The following GJE1 variants were observed in gnomAD, a reference collection of about 807,000 sequenced individuals.
The protein encoded by GJE1 is gap junction protein epsilon 1.
A neutral mutation model predicts 6.2 loss-of-function variants in GJE1; 9 were observed. The observed-to-expected ratio is 1.45, with a 90% CI of 0.87 to 2.52. The LOEUF (loss-of-function observed/expected upper bound fraction) is 2.52, where lower values mean the gene tolerates loss of function less well. Among genes scored for constraint, GJE1 ranks in the 30% most tolerant of loss-of-function variants. The pLI, the probability that GJE1 is intolerant of heterozygous loss-of-function variation, is 0.00. For missense variants in GJE1, 190 were observed against 87.7 expected (o/e 2.17, Z -4.66); for synonymous variants, 65 against 30.1 (o/e 2.16, Z -3.80).
chr6:142,133,736 G>C (rs1455444040), intron 1 of GJE1, 114 bp from the exon 2 acceptor site: 1 of 519,616 alleles, frequency 1.9e-6, no homozygotes, highest in East Asian at 2.9e-5. Context: ...GGGTCTATTT[G>C]GCTTCAAAAC....
chr6:142,135,314 C>A (rs1249413657), downstream of GJE1, among the ~76,000 whole-genome samples: 1 of 151,966 alleles, frequency 6.6e-6, no homozygotes, highest in East Asian at 1.9e-4. Flanking sequence ...ATTTCCCTTT[C>A]TGTGGAACTA....
chr6:142,134,518 G>T, intron 2 of GJE1, 21 bp from the exon 3 acceptor site: 2 of 485,300 alleles, frequency 4.1e-6, no homozygotes, highest in South Asian at 8.4e-5. Context: ...AGATATTTCT[G>T]ACATACTTTA....
At chr6:142,133,823 AT>A (rs768440169) in intron 1 of GJE1, 26 bp from the exon 2 acceptor site, 9 of 610,420 alleles carry the variant, frequency 1.5e-5, no homozygotes, top group East Asian at 8.4e-5. Flanking sequence ...TGTTTAAAAG[AT>A]TTTTTTTCTC....
rs2114608428 is a variant in GJE1 at position 142,133,107 on chromosome 6, A to C, written c.-52A>C. Reference sequence around the variant, plus strand: ...TGATTCTGGCAGAAGCAAACTGGCAATGTGGGTCAAGAATTAACCAACAGG... The same window carrying C: ...TGATTCTGGCAGAAGCAAACTGGCACTGTGGGTCAAGAATTAACCAACAGG... On this transcript the variant is annotated 5_prime_UTR_variant, in exon 1 of 3. It removes an upstream start codon present in the reference 5' UTR. Coordinates refer to ENST00000450456, the Ensembl canonical transcript of GJE1. 1.6e-6 allele frequency: 1 copy of C among 628,746 alleles called. No individual in the cohort carries two copies. Among genetic ancestry groups the C allele is most frequent in the South Asian group, 1.8e-5 (1 of 55,924 alleles). 38.9% of individuals were successfully genotyped at this position (628,746 alleles called of 1,614,324 possible). A position where few individuals can be genotyped will look rare whatever the true frequency, so the allele number is the denominator to read the frequency against.
intron 2 of GJE1, 37 bp downstream of exon 2, chr6:142,134,081 T>C: frequency 1.8e-6 from 1 of 564,880 alleles, no homozygotes; most frequent in Non-Finnish European, 3.3e-6. Flanking sequence ...ACAAACTCAT[T>C]TTCTCTTTAA....
upstream of GJE1, chr6:142,133,044 GT>G (rs1393621922): frequency 2.0e-6 from 1 of 505,184 alleles, no homozygotes; most frequent in Non-Finnish European, 3.6e-6. Context: ...AGTGATGAGT[GT>G]TTTCTGCTGT....
chr6:142,133,830 T>G lies in GJE1; in HGVS notation c.40-20T>G, dbSNP rs1043372625. 2 of 613,932 alleles carry G rather than the reference T, an allele frequency of 3.3e-6. No individual in the cohort carries two copies. The highest frequency in any genetic ancestry group is 3.7e-5 in the African/African-American group (2 of 54,376). The allele number at this position is 613,932 out of a possible 1,614,324, so 38.0% of individuals were successfully genotyped here. On this transcript the variant is annotated intron_variant, in intron 1 of 2. Transcript: ENST00000450456. ...AATGTTTGTGTTTAAAAGATTTTTT[T>G]TCTCCTAAAACCATAACAGGTTAAA...
At chr6:142,135,022 G>A in exon 3 of GJE1, 1 of 443,500 alleles carries the variant, frequency 2.3e-6, no homozygotes, top group South Asian at 5.6e-5. Context: ...ACTTCAATGT[G>A]TCTGAAATTT....
At chr6:142,135,104 A>G in exon 3 of GJE1, 2 of 328,342 alleles carry the variant, frequency 6.1e-6, no homozygotes, top group Non-Finnish European at 1.1e-5. Flanking sequence ...TTTAATTTTG[A>G]TCACTTTTAT....
At position 142,134,806 on chromosome 6, in the gene GJE1, GAA is replaced by G; in HGVS notation, c.507_508del (p.Lys169AsnfsTer21). On this transcript the variant is annotated frameshift_variant, in exon 3 of 3. Coordinates refer to ENST00000450456, the Ensembl canonical transcript of GJE1. LOFTEE classifies it high-confidence loss of function. ...AAGATGCATGGTTCCAGAACACTTT[GAA>G]AAAACCATTTTTCTCATTGCAATAA... 1 of 675,424 alleles carries G rather than the reference GAA, an allele frequency of 1.5e-6. No individual in the cohort carries two copies. The highest frequency in any genetic ancestry group is 1.6e-5 in the South Asian group (1 of 61,682). 41.8% of individuals were successfully genotyped at this position (675,424 alleles called of 1,614,324 possible). A position where few individuals can be genotyped will look rare whatever the true frequency, so the allele number is the denominator to read the frequency against.
intron 1 of GJE1, 72 bp downstream of exon 1, chr6:142,133,269 C>A: frequency 1.8e-6 from 1 of 552,352 alleles, no homozygotes; most frequent in South Asian, 2.5e-5. Flanking sequence ...TTGCATAAGT[C>A]TTGGTGAATA....
chr6:142,134,170 T>A (rs954565643), intron 2 of GJE1, 126 bp downstream of exon 2: 2 of 496,276 alleles, frequency 4.0e-6, no homozygotes, highest in African/African-American at 1.9e-5. Context: ...TTTCTTTAAT[T>A]AGCTGTATAT....
At chr6:142,134,814 C>T in exon 3 of GJE1, 1 of 670,682 alleles carries the variant, frequency 1.5e-6, no homozygotes, top group South Asian at 1.6e-5. Flanking sequence ...TTGAAAAAAC[C>T]ATTTTTCTCA....
At chr6:142,133,062 C>T (rs1454828684), upstream of GJE1, 3 of 563,786 alleles carry the variant, frequency 5.3e-6, no homozygotes, top group African/African-American at 3.7e-5. Flanking sequence ...CTGTAAGAGT[C>T]CTGAGAGAAT....
chr6:142,134,428 AT>A, intron 2 of GJE1, 110 bp from the exon 3 acceptor site: 1 of 442,898 alleles, frequency 2.3e-6, no homozygotes. Flanking sequence ...GAAACTTGGA[AT>A]TTTTAAATTA....
chr6:142,133,069 G>T (rs1778173021), upstream of GJE1: 4 of 577,240 alleles, frequency 6.9e-6, no homozygotes, highest in South Asian at 2.2e-5. Flanking sequence ...AGTCCTGAGA[G>T]AATGTAAGAG....
chr6:142,132,992 C>T, upstream of GJE1: 2 of 434,342 alleles, frequency 4.6e-6, no homozygotes, highest in Non-Finnish European at 8.2e-6. Context: ...TGAATGGGGC[C>T]CCAGAGATCT....
At chr6:142,133,420 T>C (rs1778181964) in intron 1 of GJE1, among the ~76,000 whole-genome samples, 1 of 152,164 alleles carries the variant, frequency 6.6e-6, no homozygotes, top group Non-Finnish European at 1.5e-5. Flanking sequence ...CTCAATTCCC[T>C]AATTAAGAAG....
At chr6:142,134,663 T>G in exon 3 of GJE1, 1 of 695,552 alleles carries the variant, frequency 1.4e-6, no homozygotes, top group South Asian at 1.5e-5. Flanking sequence ...ATACTCTCTG[T>G]TTTATTAAGA....
Sources: allele counts gnomAD v4.1 joint callset (sites outside exome capture counted in the v4.1 genomes callset), GRCh38; gene constraint gnomAD v4.1.1; transcripts MANE v1.5; gene names NCBI Gene and HGNC (gene_info 2026-07-23, HGNC 2026-07-21).